The following EPB41 variants were observed in gnomAD, a reference collection of about 807,000 sequenced individuals.
EPB41 encodes erythrocyte membrane protein band 4.1, also known as protein 4.1.
In EPB41, 65 loss-of-function variants were observed where a neutral mutation model predicts 108.0. The observed-to-expected ratio is 0.60, with a 90% CI of 0.49 to 0.74. EPB41 has a LOEUF of 0.74. Among genes scored for constraint, EPB41 ranks in the 30% least tolerant of loss-of-function variants. The pLI is 0.00. For missense variants in EPB41, 875 were observed against 1,037.0 expected (o/e 0.84, Z 2.15); for synonymous variants, 336 against 358.9 (o/e 0.94, Z 0.72).
chr1:28,924,782 G>T (rs2093344581), intron 1 of EPB41, among the ~76,000 whole-genome samples: 2 of 152,132 alleles, frequency 1.3e-5, no homozygotes, highest in African/African-American at 4.8e-5. Context: ...TAAAATAGAG[G>T]TATCTGTTCT....
chr1:29,027,073 C>T (rs1311721021), intron 7 of EPB41, among the ~76,000 whole-genome samples: 2 of 147,504 alleles, frequency 1.4e-5, no homozygotes, highest in South Asian at 2.1e-4. Flanking sequence ...GCCTGGGCAA[C>T]GGAGTGGGAC....
upstream of EPB41, among the ~76,000 whole-genome samples, chr1:28,910,350 C>T (rs557680442): frequency 1.3e-5 from 2 of 152,260 alleles, no homozygotes; most frequent in African/African-American, 4.8e-5. Context: ...TTTATCCTGC[C>T]ATAGGCAGGA....
At chr1:28,925,232 G>T (rs2093376481) in intron 1 of EPB41, among the ~76,000 whole-genome samples, 1 of 152,028 alleles carries the variant, frequency 6.6e-6, no homozygotes, top group Non-Finnish European at 1.5e-5. Flanking sequence ...CAAAATGCTG[G>T]GATTACAGGC....
intron 1 of EPB41, among the ~76,000 whole-genome samples, chr1:28,905,798 C>CTCTT (rs141238085): frequency 1.3e-5 from 2 of 150,484 alleles, no homozygotes; most frequent in Admixed American, 6.7e-5. Flanking sequence ...TATGACTTCT[C>CTCTT]TCTTTCTTTT....
rs773107079 is a variant in EPB41, at chr1:29,039,312, C to T, written c.1522C>T (p.Arg508Ter). The T allele has an allele frequency of 1.2e-6, 2 of 1,614,112 alleles. No homozygotes were observed. The highest frequency in any genetic ancestry group is 1.7e-6 in the Non-Finnish European group (2 of 1,180,026). The change falls in exon 11 of 21, where the codon CGA becomes TGA. Residue 508 changes from arginine to a stop codon, truncating the protein, a stop_gained. Coordinates refer to ENST00000343067, the MANE Select transcript of EPB41 (RefSeq NM_001376013.1). LOFTEE classifies it high-confidence loss of function. The part of the protein sequence containing the change: ...SKFLALGSKF[R>*]YSGRTQAQTR... ...ATTTCTTGCGCTAGGATCCAAATTT[C>T]GATACAGTGGCCGGACTCAAGCTCA... is the stretch of plus-strand genomic sequence containing the variant.
chr1:29,103,471 T>C (rs1666128950), intron 17 of EPB41, among the ~76,000 whole-genome samples: 2 of 152,318 alleles, frequency 1.3e-5, no homozygotes, highest in South Asian at 4.1e-4. Context: ...CCCTTATCTT[T>C]TTGAGCCTTA....
chr1:29,069,317 A>C (rs1456206004), intron 16 of EPB41: 37 of 1,231,412 alleles, frequency 3.0e-5, no homozygotes, highest in Non-Finnish European at 3.6e-5. Context: ...TTGACTATGG[A>C]TAGCAGAGTA....
intron 11 of EPB41, 87 bp from the exon 12 acceptor site, chr1:29,053,017 G>A: frequency 1.4e-6 from 2 of 1,416,958 alleles, no homozygotes; most frequent in Non-Finnish European, 2.0e-6. Flanking sequence ...GTGTATCCTG[G>A]ATTCACAATT....
chr1:29,081,876 G>A (rs1397062523), intron 16 of EPB41, among the ~76,000 whole-genome samples: 1 of 151,130 alleles, frequency 6.6e-6, no homozygotes, highest in Non-Finnish European at 1.5e-5. Context: ...ATTTTAGAGT[G>A]GTCTATTTAC....
intron 1 of EPB41, among the ~76,000 whole-genome samples, chr1:28,945,367 G>A (rs757906668): frequency 2.6e-5 from 4 of 151,986 alleles, no homozygotes; most frequent in Non-Finnish European, 5.9e-5. Flanking sequence ...CGATAAAGAC[G>A]GTGTATATTC....
intron 1 of EPB41, among the ~76,000 whole-genome samples, chr1:28,973,013 G>A (rs2095528326): frequency 6.6e-6 from 1 of 152,180 alleles, no homozygotes; most frequent in African/African-American, 2.4e-5. Context: ...CCACATTGGT[G>A]ATTATCCTAT....
intron 6 of EPB41, among the ~76,000 whole-genome samples, chr1:29,016,893 A>G (rs1047027778): frequency 2.0e-5 from 3 of 152,194 alleles, no homozygotes; most frequent in African/African-American, 7.2e-5. Context: ...AGGCAGATTT[A>G]CAGTCTTTAG....
At chr1:29,076,043 A>G (rs1653928395) in intron 16 of EPB41, among the ~76,000 whole-genome samples, 1 of 152,216 alleles carries the variant, frequency 6.6e-6, no homozygotes, top group Non-Finnish European at 1.5e-5. Flanking sequence ...GTTTCCCTGT[A>G]GCTTTCACTC....
At position 28,891,912 on chromosome 1, in the gene EPB41, AC is replaced by A. The variant is rs919657226; in HGVS notation, c.-8+4706del. Among the ~76,000 whole-genome samples, 28 of 151,590 alleles carry A rather than the reference AC, an allele frequency of 1.8e-4. 1 individual carries two copies. Among genetic ancestry groups the A allele is most frequent in the Non-Finnish European group, 7.4e-5 (5 of 67,918 alleles). ...GACACAGCCTGGCTAACACGGTGAA[AC>A]CCCGTCTCTACTAAAAATACAAAAA... On this transcript the variant is annotated intron_variant, in intron 1 of 16. Transcript: ENST00000347529.
intron 1 of EPB41, chr1:28,982,624 A>C: frequency 1.8e-6 from 2 of 1,111,876 alleles, no homozygotes; most frequent in South Asian, 2.5e-5. Context: ...GGCAGCAACC[A>C]CTCGGGCCTA....
chr1:28,990,714 G>A (rs2095998725), intron 2 of EPB41, among the ~76,000 whole-genome samples: 1 of 151,992 alleles, frequency 6.6e-6, no homozygotes, highest in African/African-American at 2.4e-5. Flanking sequence ...CACTGTGCCT[G>A]GCCTCAAGGG....
At chr1:29,022,763 C>T (rs1219063942) in intron 7 of EPB41, among the ~76,000 whole-genome samples, 5 of 151,906 alleles carry the variant, frequency 3.3e-5, no homozygotes, top group African/African-American at 9.7e-5. Context: ...ATAGTCACCC[C>T]TTTTCAAACT....
At chr1:29,070,509 A>G in intron 16 of EPB41, 1 of 1,232,164 alleles carries the variant, frequency 8.1e-7, no homozygotes, top group East Asian at 3.2e-5. Flanking sequence ...AAGTCTCTCA[A>G]AAAGTGCCAC....
intron 18 of EPB41, 103 bp downstream of exon 18, chr1:29,109,540 C>A: frequency 1.1e-6 from 1 of 937,598 alleles, no homozygotes; most frequent in Non-Finnish European, 1.7e-6. Flanking sequence ...ATATTTTCAG[C>A]TCCATCCCTA....
Sources: gnomAD v4.1 joint callset for allele counts (sites outside exome capture counted in the v4.1 genomes callset) on GRCh38, gnomAD v4.1.1 for gene constraint, MANE v1.5 for transcripts, NCBI Gene and HGNC (gene_info 2026-07-23, HGNC 2026-07-21) for gene names.